RRAGD: variants seen among roughly 807,000 people sequenced by gnomAD.
RRAGD encodes Ras related GTP binding D.
In RRAGD, 12 loss-of-function variants were observed where a neutral mutation model predicts 35.5. The observed-to-expected ratio is 0.34, with a 90% CI of 0.22 to 0.55. The LOEUF is 0.55. Ranked by LOEUF, RRAGD falls within the 20% of genes least tolerant of loss-of-function variation. The pLI is 0.91. For synonymous variants in RRAGD, 155 were observed against 178.9 expected (o/e 0.87, Z 1.07); for missense variants, 324 against 490.1 (o/e 0.66, Z 3.20).
chr6:89,377,802 A>G lies in RRAGD; in HGVS notation c.771T>C (p.Ile257=). 6.3e-7 allele frequency: 1 copy of G among 1,596,088 alleles called. No individual in the cohort carries two copies. The highest frequency in any genetic ancestry group is 8.5e-7 in the Non-Finnish European group (1 of 1,175,034). ...CCACATCAAATAGAAATGCCTTTTCAATTCCAGAATTCTGAAATTTAAAAA... is the reference window on the plus strand; with the variant it reads ...CCACATCAAATAGAAATGCCTTTTCGATTCCAGAATTCTGAAATTTAAAAA... ...LLNIFISNSG[I]EKAFLFDVVS... The change falls in exon 5 of 7, where the codon ATT becomes ATC. Residue 257 remains isoleucine, a synonymous_variant. Coordinates refer to ENST00000369415, the MANE Select transcript of RRAGD (RefSeq NM_021244.5).
chr6:89,411,370 C>T lies in RRAGD; in HGVS notation c.148+476G>A, dbSNP rs56321039. ...CCTCCCGCGGCGACGCGGGGCGAGACTGACACCCGCAGCTGCCGACGACCC... is the reference window on the plus strand; with the variant it reads ...CCTCCCGCGGCGACGCGGGGCGAGATTGACACCCGCAGCTGCCGACGACCC... On this transcript the variant is annotated intron_variant, in intron 1 of 6. Coordinates refer to ENST00000369415, the MANE Select transcript of RRAGD (RefSeq NM_021244.5). This position sits in a 1 kb window ranked among gnomAD's most constrained non-coding sequence, Gnocchi z 5.6. The T allele has an allele frequency of 0.041, 6,350 of 153,042 alleles. 195 individuals are homozygous for T. Among genetic ancestry groups the T allele is most frequent in the African/African-American group, 0.071 (2,935 of 41,608 alleles). 9.5% of individuals were successfully genotyped at this position (153,042 alleles called of 1,614,324 possible). A position where few individuals can be genotyped will look rare whatever the true frequency, so the allele number is the denominator to read the frequency against.
chr6:89,400,656 A>T (rs182050222), intron 1 of RRAGD, among the ~76,000 whole-genome samples: 1 of 151,562 alleles, frequency 6.6e-6, no homozygotes, highest in East Asian at 1.9e-4. Context: ...CTCACTCTAC[A>T]ATAGGCATGG....
At position 89,366,201 on chromosome 6, in the gene RRAGD, G is replaced by T. The variant is rs1267983793; in HGVS notation, c.*1855C>A. On this transcript the variant is annotated 3_prime_UTR_variant, in exon 7 of 7. Transcript: ENST00000369415. ...AAGAAACAGGACTTGGGGAGAGGAA[G>T]GAGAGAGGTTGGAAAGAAGCCACAG... 6.6e-6 allele frequency: 1 copy of T among 152,508 alleles called. No homozygotes were observed. Among genetic ancestry groups the T allele is most frequent in the East Asian group, 1.9e-4 (1 of 5,214 alleles). 9.4% of individuals were successfully genotyped at this position (152,508 alleles called of 1,614,324 possible).
chr6:89,412,144 C>T lies in RRAGD; in HGVS notation c.-151G>A. On this transcript the variant is annotated 5_prime_UTR_variant, in exon 1 of 7. Coordinates refer to ENST00000369415, the MANE Select transcript of RRAGD (RefSeq NM_021244.5). The surrounding 1 kb of genome is among the most constrained non-coding windows in gnomAD (Gnocchi z 4.2). ...GAAGCGGGGGCCGCGCGTCCCCCGG[C>T]GGGCGGCGCCCAGGTCCGGGTCCCG... 1.4e-6 allele frequency: 1 copy of T among 691,990 alleles called. No individual in the cohort carries two copies. The highest frequency in any genetic ancestry group is 5.0e-5 in the South Asian group (1 of 20,078). The allele number at this position is 691,990 out of a possible 1,614,324, so 42.9% of individuals were successfully genotyped here.
rs929918141 is a variant in RRAGD at position 89,365,766 on chromosome 6, A to C, written c.*2290T>G. ...TTTAACAAAAACCCATCATATACCC[A>C]GCTTAAACATGGAAGCTCCAACCTG... On this transcript the variant is annotated 3_prime_UTR_variant, in exon 7 of 7. Transcript: ENST00000369415. 1.3e-5 allele frequency: 2 copies of C among 152,192 alleles called. No homozygotes were observed. Among genetic ancestry groups the C allele is most frequent in the African/African-American group, 2.4e-5 (1 of 41,450 alleles). 9.4% of individuals were successfully genotyped at this position (152,192 alleles called of 1,614,324 possible). A position where few individuals can be genotyped will look rare whatever the true frequency, so the allele number is the denominator to read the frequency against.
rs561504020 is a variant in RRAGD, at chr6:89,368,122, C to G, written c.1137G>C (p.Lys379Asn). The G allele has an allele frequency of 2.2e-5, 36 of 1,614,010 alleles. No individual in the cohort carries two copies. The East Asian group carries it at 7.4e-4, about 33-fold the overall frequency. Residue 379 changes from lysine to asparagine, a missense_variant, in exon 7 of 7, where the codon AAG becomes AAC. Around this residue, in one of 5 missense-constraint regions of RRAGD, gnomAD observed 68 missense variants for 76.8 expected, o/e 0.89. Coordinates refer to ENST00000369415, the MANE Select transcript of RRAGD (RefSeq NM_021244.5). ...EVRMKVVKSRKVQNRLQKKKR... is the reference protein window; with the variant it reads ...EVRMKVVKSRNVQNRLQKKKR... Reference sequence around the variant, plus strand: ...TTTTCTTCTGCAGCCGATTCTGAACCTTTCGAGATTTTACTACTTTCATTC... The same window carrying G: ...TTTTCTTCTGCAGCCGATTCTGAACGTTTCGAGATTTTACTACTTTCATTC...
chr6:89,372,195 C>G (rs1414333107), intron 6 of RRAGD, among the ~76,000 whole-genome samples: 1 of 152,168 alleles, frequency 6.6e-6, no homozygotes. Context: ...TCATGGGGTT[C>G]CACTTCCACC....
chr6:89,410,359 C>T (rs1769669653), intron 1 of RRAGD, among the ~76,000 whole-genome samples: 1 of 152,222 alleles, frequency 6.6e-6, no homozygotes, highest in African/African-American at 2.4e-5. Flanking sequence ...CATCCCTATT[C>T]TGCATCTCTC....
chr6:89,401,310 T>C (rs904680048), intron 1 of RRAGD, among the ~76,000 whole-genome samples: 22 of 151,608 alleles, frequency 1.5e-4, no homozygotes, highest in Admixed American at 5.3e-4. Flanking sequence ...CAGGCTAGAG[T>C]GCTGTGGCGC....
intron 1 of RRAGD, among the ~76,000 whole-genome samples, chr6:89,388,809 C>A (rs1055262732): frequency 6.6e-6 from 1 of 152,176 alleles, no homozygotes; most frequent in Admixed American, 6.5e-5. Context: ...GAGCCCTGAG[C>A]TTGTTTTCCT....
chr6:89,375,754 C>G (rs904639106), intron 5 of RRAGD, among the ~76,000 whole-genome samples: 1 of 152,272 alleles, frequency 6.6e-6, no homozygotes, highest in African/African-American at 2.4e-5. Context: ...CACAAACCAT[C>G]TGTGACCCAG....
At chr6:89,394,577 G>A (rs1769298093) in intron 1 of RRAGD, among the ~76,000 whole-genome samples, 1 of 152,106 alleles carries the variant, frequency 6.6e-6, no homozygotes, top group African/African-American at 2.4e-5. Context: ...ATTACTCAAG[G>A]ATGTAACTCC....
chr6:89,373,669 G>T (rs966830472), intron 5 of RRAGD, among the ~76,000 whole-genome samples: 1 of 151,294 alleles, frequency 6.6e-6, no homozygotes, highest in Admixed American at 6.6e-5. Context: ...AAGGTGTGGT[G>T]TGCAGACACA....
chr6:89,405,383 CAT>C (rs1769559208), intron 1 of RRAGD, among the ~76,000 whole-genome samples: 1 of 137,682 alleles, frequency 7.3e-6, no homozygotes, highest in Admixed American at 7.3e-5. Flanking sequence ...AAAGAGATAA[CAT>C]AGTGGCGAAG....
chr6:89,388,510 C>T lies in RRAGD; in HGVS notation c.149-920G>A, dbSNP rs193260319. ...TTATGATGTTATATATATTTTATCA[C>T]AATAAAAATTTGGGGGTTCCTCAGT... On this transcript the variant is annotated intron_variant, in intron 1 of 6. Transcript: ENST00000369415. 5.9e-5 allele frequency among the ~76,000 whole-genome samples: 9 copies of T among 152,194 alleles called. 1 individual carries two copies. Among genetic ancestry groups the T allele is most frequent in the Admixed American group, 5.2e-4 (8 of 15,294 alleles).
chr6:89,387,134 C>G (rs1045114487), intron 2 of RRAGD, among the ~76,000 whole-genome samples, 161 bp downstream of exon 2: 3 of 152,128 alleles, frequency 2.0e-5, no homozygotes, highest in Non-Finnish European at 2.9e-5. Context: ...TTGTTGGTCA[C>G]GGCTGGAGCC....
chr6:89,409,518 G>A (rs180694760), intron 1 of RRAGD, among the ~76,000 whole-genome samples: 1 of 152,250 alleles, frequency 6.6e-6, no homozygotes, highest in African/African-American at 2.4e-5. Context: ...TTTGAGAGTA[G>A]GTAAATGTAA....
At chr6:89,387,085 G>T (rs138929227) in intron 2 of RRAGD, among the ~76,000 whole-genome samples, 2 of 152,198 alleles carry the variant, frequency 1.3e-5, no homozygotes, top group Non-Finnish European at 2.9e-5. Context: ...TCTATGATTT[G>T]CTGAAGTGTC....
chr6:89,375,833 G>A (rs1169798978), intron 5 of RRAGD, among the ~76,000 whole-genome samples: 2 of 152,194 alleles, frequency 1.3e-5, no homozygotes, highest in African/African-American at 4.8e-5. Context: ...CAATCTGACG[G>A]CAAAGCCAGG....
Sources: gnomAD v4.1 joint callset for allele counts (sites outside exome capture counted in the v4.1 genomes callset) on GRCh38, gnomAD v4.1.1 for gene constraint, gnomAD v4.1.1 regional missense constraint, Gnocchi (gnomAD v3.1) non-coding constraint, MANE v1.5 for transcripts, NCBI Gene and HGNC (gene_info 2026-07-23, HGNC 2026-07-21) for gene names.